GAS7: variants seen among roughly 807,000 people sequenced by gnomAD.
The protein encoded by GAS7 is growth arrest-specific protein 7.
In GAS7, 28 loss-of-function variants were observed where a neutral mutation model predicts 71.1. That is an observed-to-expected ratio of 0.39 (90% CI 0.29 to 0.54). GAS7 has a LOEUF of 0.54. GAS7 is among the 20% of genes least tolerant of loss of function. The probability of loss-of-function intolerance (pLI) is 0.62; values close to 1 mark genes in which losing one functional copy is unlikely to be tolerated. For synonymous variants in GAS7, 258 were observed against 245.8 expected, an observed-to-expected ratio of 1.05 and a Z score of -0.46; for missense variants, 436 against 627.8, an observed-to-expected ratio of 0.69 and a Z score of 3.27.
intron 1 of GAS7, among the ~76,000 whole-genome samples, chr17:10,141,548 G>A (rs2074081436): frequency 6.6e-6 from 1 of 152,130 alleles, no homozygotes; most frequent in African/African-American, 2.4e-5. Context: ...GCAGCTCTCA[G>A]TTACTCCCTC....
chr17:10,164,602 T>C (rs2074279273), intron 1 of GAS7, among the ~76,000 whole-genome samples: 1 of 150,754 alleles, frequency 6.6e-6, no homozygotes, highest in Non-Finnish European at 1.5e-5. Context: ...GAGTTCAAGG[T>C]GGCAGTGAGC....
intron 1 of GAS7, among the ~76,000 whole-genome samples, chr17:10,078,099 GT>G (rs1290936794): frequency 2.7e-5 from 4 of 150,616 alleles, no homozygotes; most frequent in Non-Finnish European, 4.4e-5. Flanking sequence ...GTTTTGTTTT[GT>G]TTTGTTTTGG....
In GAS7 at chr17:9,981,518, CCT is replaced by C. The variant is rs1207082350; in HGVS notation, c.385+284_385+285del. Among the ~76,000 whole-genome samples the C allele has an allele frequency of 6.6e-6, 1 of 152,116 alleles. No individual in the cohort carries two copies. Among genetic ancestry groups the C allele is most frequent in the African/African-American group, 2.4e-5 (1 of 41,426 alleles). ...TGTCCACACTTCAGGTCTTCCTGCC[CCT>C]GACAGACAGGAAAGAGCTCTGACAC... is the stretch of plus-strand genomic sequence containing the variant. On this transcript the variant is annotated intron_variant, in intron 3 of 13. Transcript: ENST00000432992. The surrounding 1 kb of genome is among the most constrained non-coding windows in gnomAD (Gnocchi z 4.4).
chr17:10,040,890 G>A (rs1222219897), intron 1 of GAS7, among the ~76,000 whole-genome samples: 3 of 152,166 alleles, frequency 2.0e-5, no homozygotes, highest in South Asian at 2.1e-4. Flanking sequence ...GGCCGGGCAC[G>A]GTGGCTCACA....
At chr17:10,167,873 A>G (rs553287703) in intron 1 of GAS7, among the ~76,000 whole-genome samples, 1 of 151,994 alleles carries the variant, frequency 6.6e-6, no homozygotes, top group Admixed American at 6.6e-5. Flanking sequence ...TGACATTTGT[A>G]TTTTTTGTAG....
intron 1 of GAS7, among the ~76,000 whole-genome samples, chr17:10,046,547 C>A (rs1199826740): frequency 6.6e-6 from 1 of 151,528 alleles, no homozygotes; most frequent in African/African-American, 2.4e-5. Context: ...ACCAGCCTGG[C>A]CAATATAGTG....
At chr17:10,140,625 T>C (rs1039729146) in intron 1 of GAS7, among the ~76,000 whole-genome samples, 4 of 152,210 alleles carry the variant, frequency 2.6e-5, no homozygotes, top group Non-Finnish European at 5.9e-5. Context: ...TACATGAATA[T>C]GCCTACATCT....
intron 1 of GAS7, among the ~76,000 whole-genome samples, chr17:10,170,673 G>A (rs1433847731): frequency 2.0e-5 from 3 of 152,198 alleles, no homozygotes; most frequent in Non-Finnish European, 4.4e-5. Context: ...ATAAAGTCAG[G>A]ATGTCTGTGG....
rs77161950 is a variant in GAS7 at position 10,054,308 on chromosome 17, G to T, written c.184-34411C>A. 2.0e-5 allele frequency among the ~76,000 whole-genome samples: 3 copies of T among 151,990 alleles called. No homozygotes were observed. In the East Asian group the frequency reaches 5.8e-4, roughly 29 times the overall value. ...CAACTGTTCCACTATTGGCCTTAGC[G>T]CTGGTAACAGCAGAGATGGGTGGAG... On this transcript the variant is annotated intron_variant, in intron 1 of 13. Coordinates refer to ENST00000432992, the MANE Select transcript of GAS7 (RefSeq NM_201433.2).
At chr17:10,140,519 CTA>C (rs1172718590) in intron 1 of GAS7, among the ~76,000 whole-genome samples, 6 of 152,114 alleles carry the variant, frequency 3.9e-5, no homozygotes, top group Non-Finnish European at 5.9e-5. Context: ...ACCTGTGTGT[CTA>C]TGTCTATGTG....
At chr17:10,116,472 G>C (rs914094373) in intron 1 of GAS7, among the ~76,000 whole-genome samples, 3 of 152,192 alleles carry the variant, frequency 2.0e-5, no homozygotes, top group African/African-American at 7.2e-5. Context: ...AGAGTGCCCT[G>C]GGCTGAGCGG....
At chr17:10,020,200 C>T in intron 1 of GAS7, 2 of 275,222 alleles carry the variant, frequency 7.3e-6, no homozygotes, top group South Asian at 1.6e-4. Context: ...GAAAATCACT[C>T]ACGGGGTGCT....
intron 1 of GAS7, among the ~76,000 whole-genome samples, chr17:10,046,106 C>T (rs1030569000): frequency 1.3e-5 from 2 of 152,162 alleles, no homozygotes; most frequent in East Asian, 1.9e-4. Flanking sequence ...AGTCACCATG[C>T]AGCATCCACA....
At chr17:10,007,649 A>AAAAAAC (rs2071594284) in intron 2 of GAS7, among the ~76,000 whole-genome samples, 1 of 147,598 alleles carries the variant, frequency 6.8e-6, no homozygotes. Context: ...AAAAAAAAAA[A>AAAAAAC]AGAACAGTTT....
At chr17:10,089,114 T>C (rs1031421012) in intron 1 of GAS7, among the ~76,000 whole-genome samples, 7 of 151,766 alleles carry the variant, frequency 4.6e-5, no homozygotes, top group African/African-American at 1.7e-4. Context: ...TGAGCAGAGA[T>C]CGTGTCATTG....
chr17:9,987,020 C>A (rs914672927), intron 2 of GAS7, among the ~76,000 whole-genome samples: 1 of 152,202 alleles, frequency 6.6e-6, no homozygotes, highest in African/African-American at 2.4e-5. Context: ...AGGTCTTTTC[C>A]AATACAAGAT....
At chr17:10,154,483 GA>G (rs1320350442) in intron 1 of GAS7, among the ~76,000 whole-genome samples, 1 of 151,638 alleles carries the variant, frequency 6.6e-6, no homozygotes, top group Non-Finnish European at 1.5e-5. Flanking sequence ...CAGCTTAGAT[GA>G]CAGGGTGAGG....
In GAS7 at chr17:9,915,477, C is replaced by T. The variant is rs115938075; in HGVS notation, c.*1751G>A. On this transcript the variant is annotated 3_prime_UTR_variant, in exon 14 of 14. Coordinates refer to ENST00000432992, the MANE Select transcript of GAS7 (RefSeq NM_201433.2). The stretch of plus-strand genomic sequence containing the variant: ...GACAGATCCTACCAGGAGGTCTTCA[C>T]GTAGGTGAAGGCCTTTGTGCTGACC... The T allele has an allele frequency of 2.7e-3, 622 of 229,294 alleles. 5 individuals are homozygous for T. Among genetic ancestry groups the T allele is most frequent in the African/African-American group, 0.013 (580 of 45,204 alleles). 14.2% of individuals were successfully genotyped at this position (229,294 alleles called of 1,614,324 possible).
At chr17:10,149,068 C>T (rs2074144434) in intron 1 of GAS7, among the ~76,000 whole-genome samples, 1 of 152,046 alleles carries the variant, frequency 6.6e-6, no homozygotes, top group Non-Finnish European at 1.5e-5. Flanking sequence ...AGAAGAGGAT[C>T]CATTTTTGTT....
Sources: gnomAD v4.1 joint callset for allele counts (sites outside exome capture counted in the v4.1 genomes callset) on GRCh38, gnomAD v4.1.1 for gene constraint, Gnocchi (gnomAD v3.1) non-coding constraint, MANE v1.5 for transcripts, NCBI Gene and HGNC (gene_info 2026-07-23, HGNC 2026-07-21) for gene names.